Variants in ZFHX3 observed in about 807,000 individuals in gnomAD.
The protein encoded by ZFHX3 is zinc finger homeobox 3.
In ZFHX3, 42 loss-of-function variants were observed where a neutral mutation model predicts 279.1. The observed-to-expected ratio is 0.15, with a 90% CI of 0.12 to 0.19. The LOEUF is 0.19. ZFHX3 is among the 10% of genes least tolerant of loss of function. ZFHX3 has a pLI of 1.00. For synonymous variants in ZFHX3, 2,293 were observed against 1,957.8 expected, an observed-to-expected ratio of 1.17 and a Z score of -4.52; for missense variants, 4,981 against 4,754.0, an observed-to-expected ratio of 1.05 and a Z score of -1.40.
intron 3 of ZFHX3, among the ~76,000 whole-genome samples, chr16:73,334,949 A>T (rs1469963878): frequency 6.6e-6 from 1 of 151,164 alleles, no homozygotes; most frequent in African/African-American, 2.4e-5. Context: ...AGGGGGAAAA[A>T]TGTCCTCAAA....
At chr16:73,134,331 C>CTTTTT (rs58052486) in intron 6 of ZFHX3, among the ~76,000 whole-genome samples, 3 of 50,316 alleles carry the variant, frequency 6.0e-5, no homozygotes, top group Admixed American at 6.2e-4. Flanking sequence ...CTCCCCACCT[C>CTTTTT]TTTTTTTTTT....
intron 1 of ZFHX3, among the ~76,000 whole-genome samples, chr16:73,736,808 T>C (rs2053613637): frequency 6.6e-6 from 1 of 152,226 alleles, no homozygotes; most frequent in South Asian, 2.1e-4. Flanking sequence ...TGGCCATCTT[T>C]AGCAGGCACC....
intron 3 of ZFHX3, among the ~76,000 whole-genome samples, chr16:73,410,963 A>G (rs1241308213): frequency 1.3e-5 from 2 of 152,238 alleles, no homozygotes; most frequent in Non-Finnish European, 2.9e-5. Context: ...ATGCCAGGCT[A>G]TAAATATCCA....
intron 2 of ZFHX3, among the ~76,000 whole-genome samples, chr16:73,577,752 T>C (rs1258110694): frequency 6.6e-6 from 1 of 152,226 alleles, no homozygotes; most frequent in Admixed American, 6.5e-5. Flanking sequence ...AATTCATGAT[T>C]TAAATGGTAG....
chr16:72,960,477 G>A (rs1961524036), intron 1 of ZFHX3, among the ~76,000 whole-genome samples: 1 of 152,212 alleles, frequency 6.6e-6, no homozygotes, highest in Non-Finnish European at 1.5e-5. Flanking sequence ...CTCTGCCCCT[G>A]AAGACTAGCG....
intron 2 of ZFHX3, among the ~76,000 whole-genome samples, chr16:73,491,348 G>T (rs1426388826): frequency 6.6e-6 from 1 of 152,134 alleles, no homozygotes; most frequent in Non-Finnish European, 1.5e-5. Flanking sequence ...GACTGGAATT[G>T]GTCACATGGC....
chr16:73,601,299 C>CAAAAAAAAAAAAA (rs1217744713), intron 2 of ZFHX3, among the ~76,000 whole-genome samples: 1 of 60,478 alleles, frequency 1.7e-5, no homozygotes, highest in Non-Finnish European at 3.8e-5. Context: ...ACTAAAAATA[C>CAAAAAAAAAAAAA]AAAAAAAAAA....
At chr16:73,074,652 T>C (rs1466374164) in intron 8 of ZFHX3, among the ~76,000 whole-genome samples, 9 of 149,124 alleles carry the variant, frequency 6.0e-5, no homozygotes, top group Non-Finnish European at 1.5e-5. Context: ...GATTCCAAGA[T>C]GAAGATAGTT....
rs1287521327 is a variant in ZFHX3 at position 72,783,615 on chromosome 16, A to T, written c.*3549T>A. The T allele has an allele frequency of 6.6e-6, 1 of 152,132 alleles. No individual in the cohort carries two copies. Among genetic ancestry groups the T allele is most frequent in the Non-Finnish European group, 1.5e-5 (1 of 68,020 alleles). 9.4% of individuals were successfully genotyped at this position (152,132 alleles called of 1,614,324 possible). A position where few individuals can be genotyped will look rare whatever the true frequency, so the allele number is the denominator to read the frequency against. ...AAAAAAAAATTCCTAGATGTATTAA[A>T]TTTTTCCTTGTGTAGATATGTGGTT... On this transcript the variant is annotated 3_prime_UTR_variant, in exon 10 of 10. Transcript: ENST00000268489.
chr16:73,477,964 G>A (rs895255642), intron 2 of ZFHX3, among the ~76,000 whole-genome samples: 1 of 152,068 alleles, frequency 6.6e-6, no homozygotes, highest in African/African-American at 2.4e-5. Flanking sequence ...TGTTTTTGTT[G>A]TCTTCTTTTT....
chr16:73,462,253 C>T (rs964156470), intron 2 of ZFHX3, among the ~76,000 whole-genome samples: 1 of 152,082 alleles, frequency 6.6e-6, no homozygotes. Flanking sequence ...AAAGCTTTGT[C>T]ATTATTGTTT....
rs948064724 is a variant in ZFHX3, at chr16:73,213,079, T to C, written c.-1104+43968A>G. Among the ~76,000 whole-genome samples the C allele has an allele frequency of 2.6e-5, 4 of 152,310 alleles. No homozygotes were observed. In the East Asian group the frequency reaches 5.8e-4, roughly 22 times the overall value. The stretch of plus-strand genomic sequence containing the variant: ...AAAGACAGAATGTGACCTTTGTCCC[T>C]GAAGATCTGTGTCTCTCCATATGGC... On this transcript the variant is annotated intron_variant, in intron 5 of 17. Coordinates refer to the ZFHX3 transcript ENST00000641206.
intron 3 of ZFHX3, among the ~76,000 whole-genome samples, chr16:73,454,721 G>A (rs987703782): frequency 2.6e-5 from 4 of 152,132 alleles, no homozygotes; most frequent in South Asian, 2.1e-4. Flanking sequence ...AATAAAGAGT[G>A]TGTGTGGCTC....
intron 1 of ZFHX3, among the ~76,000 whole-genome samples, chr16:73,700,429 T>C (rs1414560451): frequency 6.6e-6 from 1 of 152,172 alleles, no homozygotes; most frequent in Non-Finnish European, 1.5e-5. Context: ...ATTTAGATAA[T>C]TCCTCAAGCG....
rs1187624114 is a variant in ZFHX3 at position 73,654,132 on chromosome 16, C to T, written c.-1547+26048G>A. Among the ~76,000 whole-genome samples the T allele has an allele frequency of 5.4e-5, 8 of 147,052 alleles. No homozygotes were observed. In the East Asian group the frequency reaches 1.4e-3, roughly 26 times the overall value. ...CTGGGAGGCGGAGCCTGCAGTGAGC[C>T]GAGATCGTGCCACTGCACTCCAGCC... On this transcript the variant is annotated intron_variant, in intron 2 of 17. Transcript: ENST00000641206.
At chr16:72,833,548 C>T (rs966675309) in intron 4 of ZFHX3, among the ~76,000 whole-genome samples, 2 of 152,198 alleles carry the variant, frequency 1.3e-5, no homozygotes, top group Admixed American at 1.3e-4. Flanking sequence ...AGCCACTGTG[C>T]CATTTTTAAG....
At chr16:73,114,027 A>G (rs1966406315) in intron 7 of ZFHX3, among the ~76,000 whole-genome samples, 1 of 151,638 alleles carries the variant, frequency 6.6e-6, no homozygotes, top group African/African-American at 2.4e-5. Flanking sequence ...CCATCTCCTG[A>G]CCTTGTGATC....
At chr16:72,931,938 C>A (rs779847338) in intron 3 of ZFHX3, among the ~76,000 whole-genome samples, 2 of 152,166 alleles carry the variant, frequency 1.3e-5, no homozygotes, top group South Asian at 2.1e-4. Context: ...GATACAAACA[C>A]GAACCATAAC....
In ZFHX3 at chr16:73,127,396, G is replaced by C. The variant is rs1322735213; in HGVS notation, c.-897+3572C>G. 2.2e-5 allele frequency: 29 copies of C among 1,305,230 alleles called. No individual in the cohort carries two copies. In the South Asian group the frequency reaches 3.5e-4, roughly 16 times the overall value. The allele number at this position is 1,305,230 out of a possible 1,614,324, so 80.9% of individuals were successfully genotyped here. A position where few individuals can be genotyped will look rare whatever the true frequency, so the allele number is the denominator to read the frequency against. ...GAATGGCTGCTAACTAAATATTTTT[G>C]GGGCCAGAGCCTTCCCAGGTAGTAG... is the stretch of plus-strand genomic sequence containing the variant. On this transcript the variant is annotated intron_variant, in intron 7 of 17. Transcript: ENST00000641206.
Sources: gnomAD v4.1 joint callset for allele counts (sites outside exome capture counted in the v4.1 genomes callset) on GRCh38, gnomAD v4.1.1 for gene constraint, MANE v1.5 for transcripts, NCBI Gene and HGNC (gene_info 2026-07-23, HGNC 2026-07-21) for gene names.